MYBPC1: variants seen among roughly 807,000 people sequenced by gnomAD.
MYBPC1 encodes myosin-binding protein C, slow-type.
MYBPC1 carries 52 observed loss-of-function variants against 147.1 expected under a neutral mutation model. The ratio of observed to expected loss-of-function variants is 0.35; its 90% CI spans 0.28 to 0.45. The LOEUF is 0.45. Among genes scored for constraint, MYBPC1 ranks in the 20% least tolerant of loss-of-function variants. The pLI is 1.00. For missense variants in MYBPC1, 1,228 were observed against 1,440.3 expected, an observed-to-expected ratio of 0.85 and a Z score of 2.39; for synonymous variants, 477 against 475.9, an observed-to-expected ratio of 1.00 and a Z score of -0.03.
At chr12:101,658,000 C>T (rs1281378393) in intron 18 of MYBPC1, among the ~76,000 whole-genome samples, 1 of 151,890 alleles carries the variant, frequency 6.6e-6, no homozygotes, top group East Asian at 1.9e-4. Flanking sequence ...GGCGTGGTGG[C>T]TGCGCCTGTA....
intron 28 of MYBPC1, among the ~76,000 whole-genome samples, chr12:101,678,847 C>T (rs779448209): frequency 6.6e-6 from 1 of 152,020 alleles, no homozygotes; most frequent in South Asian, 2.1e-4. Context: ...TTCTTTTTTT[C>T]CTGTATATAC....
In MYBPC1 at chr12:101,632,032, T is replaced by C; in HGVS notation, c.450T>C (p.Phe150=). The C allele has an allele frequency of 6.2e-7, 1 of 1,611,854 alleles. No individual in the cohort carries two copies. The change falls in exon 8 of 32, where the codon TTT becomes TTC. Residue 150 remains phenylalanine, a synonymous_variant. Coordinates refer to ENST00000361466, the MANE Select transcript of MYBPC1 (RefSeq NM_002465.4). ...GCATTTCATTGCAGGTGTACACATT[T>C]GAGATGCAGATCATCAAGGCCAAAG... is the stretch of plus-strand genomic sequence containing the variant. ...TFERHSRVYT[F]EMQIIKAKDN...
chr12:101,625,396 T>C (rs1888366212), intron 3 of MYBPC1, among the ~76,000 whole-genome samples: 1 of 152,226 alleles, frequency 6.6e-6, no homozygotes, highest in African/African-American at 2.4e-5. Flanking sequence ...GGTGAAATGC[T>C]ATGCGCATTT....
At chr12:101,649,649 T>C (rs1481860048) in intron 15 of MYBPC1, among the ~76,000 whole-genome samples, 1 of 152,084 alleles carries the variant, frequency 6.6e-6, no homozygotes, top group Non-Finnish European at 1.5e-5. Context: ...GAAGGAAGTA[T>C]AAAAATCACC....
intron 8 of MYBPC1, among the ~76,000 whole-genome samples, chr12:101,632,932 G>A (rs756368641): frequency 9.9e-5 from 15 of 152,020 alleles, no homozygotes; most frequent in East Asian, 1.9e-4. Flanking sequence ...ACGGGATTTC[G>A]CCATATTAGC....
At chr12:101,640,231 C>T (rs539785502) in intron 10 of MYBPC1, among the ~76,000 whole-genome samples, 3 of 152,164 alleles carry the variant, frequency 2.0e-5, no homozygotes, top group East Asian at 1.9e-4. Context: ...AGGCTGGTCT[C>T]GAACTCCTGA....
At chr12:101,617,327 C>T in intron 3 of MYBPC1, 84 bp downstream of exon 3, 1 of 1,401,998 alleles carries the variant, frequency 7.1e-7, no homozygotes, top group Non-Finnish European at 1.0e-6. Context: ...ATGGTGGCTC[C>T]ATAGAATTTC....
intron 27 of MYBPC1, among the ~76,000 whole-genome samples, 183 bp downstream of exon 27, chr12:101,677,577 T>C (rs887373522): frequency 6.6e-6 from 1 of 152,332 alleles, no homozygotes; most frequent in Non-Finnish European, 1.5e-5. Context: ...ATTGTATTAT[T>C]ATTGCATTTT....
chr12:101,617,645 C>A (rs1886438659), intron 3 of MYBPC1, among the ~76,000 whole-genome samples: 1 of 151,864 alleles, frequency 6.6e-6, no homozygotes, highest in Non-Finnish European at 1.5e-5. Flanking sequence ...TTCCAGGGTT[C>A]ACTAATAATT....
intron 1 of MYBPC1, among the ~76,000 whole-genome samples, chr12:101,611,720 T>C (rs1884332077): frequency 6.6e-6 from 1 of 152,042 alleles, no homozygotes; most frequent in African/African-American, 2.4e-5. Context: ...TAAGTCATAG[T>C]GAAAAGAGAA....
At chr12:101,644,246 A>G (rs1238062318) in intron 11 of MYBPC1, among the ~76,000 whole-genome samples, 1 of 152,136 alleles carries the variant, frequency 6.6e-6, no homozygotes, top group African/African-American at 2.4e-5. Flanking sequence ...CATGTTGGCC[A>G]GGCCGGTTTC....
intron 1 of MYBPC1, among the ~76,000 whole-genome samples, chr12:101,595,787 T>C (rs892826255): frequency 3.3e-5 from 5 of 152,110 alleles, no homozygotes; most frequent in African/African-American, 9.7e-5. Context: ...AAGCTGAAAG[T>C]ATAAAAATAT....
chr12:101,637,001 A>C (rs1891126352), intron 10 of MYBPC1: 7 of 159,942 alleles, frequency 4.4e-5, no homozygotes, highest in Non-Finnish European at 7.5e-5. Context: ...AGATATGAAA[A>C]CTGAGACATA....
chr12:101,602,996 C>A (rs1880705988), intron 1 of MYBPC1, among the ~76,000 whole-genome samples: 1 of 152,038 alleles, frequency 6.6e-6, no homozygotes, highest in South Asian at 2.1e-4. Context: ...CAGAGTTGAA[C>A]AATATCTATG....
intron 19 of MYBPC1, among the ~76,000 whole-genome samples, chr12:101,660,891 C>T (rs1896437083): frequency 6.6e-6 from 1 of 152,140 alleles, no homozygotes; most frequent in African/African-American, 2.4e-5. Flanking sequence ...ACCACGAGAA[C>T]AGTATGTGGG....
At chr12:101,681,501 A>G (rs1200969215) in intron 29 of MYBPC1, among the ~76,000 whole-genome samples, 1 of 134,000 alleles carries the variant, frequency 7.5e-6, no homozygotes, top group Non-Finnish European at 1.6e-5. Flanking sequence ...AGAGTCTTTT[A>G]GTCCTAAATC....
At chr12:101,626,934 C>T (rs1888747351) in intron 4 of MYBPC1, 24 bp downstream of exon 4, 2 of 1,594,184 alleles carry the variant, frequency 1.3e-6, no homozygotes, top group South Asian at 2.2e-5. Flanking sequence ...CTACCCTTTT[C>T]CCTGCTTTTA....
chr12:101,677,312 C>T lies in MYBPC1; in HGVS notation c.3027C>T (p.Tyr1009=), dbSNP rs760089645. 2 of 1,613,862 alleles carry T rather than the reference C, an allele frequency of 1.2e-6. No homozygotes were observed. The highest frequency in any genetic ancestry group is 2.2e-5 in the South Asian group (2 of 91,078). The part of the protein sequence containing the change: ...ITELVIGNEY[Y]FRVFSENMCG... Reference sequence around the variant, plus strand: ...AATTGGTCATAGGGAATGAATATTACTTCCGGGTCTTTTCTGAAAACATGT... The same window carrying T: ...AATTGGTCATAGGGAATGAATATTATTTCCGGGTCTTTTCTGAAAACATGT... Residue 1009 remains tyrosine (Y), a synonymous_variant, in exon 27 of 32, where the codon TAC becomes TAT. Coordinates refer to ENST00000361466, the MANE Select transcript of MYBPC1 (RefSeq NM_002465.4).
chr12:101,669,494 A>G (rs1488031358), intron 23 of MYBPC1, among the ~76,000 whole-genome samples: 2 of 152,240 alleles, frequency 1.3e-5, no homozygotes, highest in African/African-American at 4.8e-5. Flanking sequence ...GTTACTGTCG[A>G]ACTCCAACAG....
Sources: gnomAD v4.1 joint callset for allele counts (sites outside exome capture counted in the v4.1 genomes callset) on GRCh38, gnomAD v4.1.1 for gene constraint, MANE v1.5 for transcripts, NCBI Gene and HGNC (gene_info 2026-07-23, HGNC 2026-07-21) for gene names.